The following VWA2 variants were observed in gnomAD, a reference collection of about 807,000 sequenced individuals.
VWA2 encodes the protein von Willebrand factor A domain containing 2.
In VWA2, 73 loss-of-function variants were observed where a neutral mutation model predicts 70.4. The ratio of observed to expected loss-of-function variants is 1.04; its 90% CI spans 0.86 to 1.26. VWA2 has a LOEUF of 1.26. Among genes scored for constraint, VWA2 ranks in the 50% most tolerant of loss-of-function variants. The pLI, the probability that VWA2 is intolerant of heterozygous loss-of-function variation, is 0.00. For synonymous variants in VWA2, 407 were observed against 423.3 expected, an observed-to-expected ratio of 0.96 and a Z score of 0.47; for missense variants, 1,011 against 998.5, an observed-to-expected ratio of 1.01 and a Z score of -0.17.
intron 6 of VWA2, among the ~76,000 whole-genome samples, chr10:114,273,500 T>C (rs1258090317): frequency 6.6e-6 from 1 of 152,168 alleles, no homozygotes; most frequent in African/African-American, 2.4e-5. Context: ...GGAGTCTGAC[T>C]GGCCACTCCC....
chr10:114,292,512 G>C lies in VWA2; in HGVS notation c.*1275G>C, dbSNP rs2039695523. Among the ~76,000 whole-genome samples the C allele has an allele frequency of 6.6e-6, 1 of 150,798 alleles. No homozygotes were observed. The highest frequency in any genetic ancestry group is 2.4e-5 in the African/African-American group (1 of 40,916). On this transcript the variant is annotated 3_prime_UTR_variant, in exon 14 of 14. Transcript: ENST00000392982. Reference sequence around the variant, plus strand: ...TTAAAGAAATATTTCAAGAAATGTTGGTTATTTATTAAACAGGGATATTTG... The same window carrying C: ...TTAAAGAAATATTTCAAGAAATGTTCGTTATTTATTAAACAGGGATATTTG...
intron 8 of VWA2, among the ~76,000 whole-genome samples, chr10:114,282,243 A>C (rs138443123): frequency 1.5e-3 from 233 of 152,062 alleles, no homozygotes; most frequent in Non-Finnish European, 2.8e-3. Context: ...ACCTCAAGTG[A>C]TTTGCCTACC....
At position 114,257,299 on chromosome 10, in the gene VWA2, C is replaced by T. The variant is rs1275105355; in HGVS notation, c.261+2251C>T. ...GTTCCCCACCATCCTCTGCACAGGA[C>T]CCTGCTTTTAAAAGGGTTCCTTATC... On this transcript the variant is annotated intron_variant, in intron 4 of 13. Coordinates refer to ENST00000392982, the MANE Select transcript of VWA2 (RefSeq NM_001272046.2). 5.3e-5 allele frequency among the ~76,000 whole-genome samples: 8 copies of T among 152,294 alleles called. No homozygotes were observed. The South Asian group carries it at 1.0e-3, about 20-fold the overall frequency.
rs768708177 is a variant in VWA2, at chr10:114,290,322, C to G, written c.2205C>G (p.Arg735=). ...GSCVLQNGSY[R]CKCRDGWEGP... The stretch of plus-strand genomic sequence containing the variant: ...GCGTCCTGCAGAATGGGAGCTACCG[C>G]TGCAAGTGTCGGGATGGCTGGGAGG... The change falls in exon 13 of 14, where the codon CGC becomes CGG. Residue 735 remains arginine, a synonymous_variant. Transcript: ENST00000392982. The G allele has an allele frequency of 4.5e-6, 7 of 1,550,616 alleles. No individual in the cohort carries two copies. In the South Asian group the frequency reaches 5.9e-5, roughly 13 times the overall value.
In VWA2 at chr10:114,292,313, T is replaced by C. The variant is rs1382636831; in HGVS notation, c.*1076T>C. Among the ~76,000 whole-genome samples, 1 of 151,972 alleles carries C rather than the reference T, an allele frequency of 6.6e-6. No individual in the cohort carries two copies. The highest frequency in any genetic ancestry group is 1.5e-5 in the Non-Finnish European group (1 of 67,984). ...AAATGTACTTAGGAGGGGTTAATTGTGGCGTGTTTATGGAATTCTTTCCTT... is the reference window on the plus strand; with the variant it reads ...AAATGTACTTAGGAGGGGTTAATTGCGGCGTGTTTATGGAATTCTTTCCTT... On this transcript the variant is annotated 3_prime_UTR_variant, in exon 14 of 14. Transcript: ENST00000392982.
intron 5 of VWA2, among the ~76,000 whole-genome samples, chr10:114,266,433 C>A (rs1453045000): frequency 6.6e-6 from 1 of 152,104 alleles, no homozygotes; most frequent in Non-Finnish European, 1.5e-5. Flanking sequence ...CCTCGAGTGA[C>A]AGTGAAATGT....
rs780346513 is a variant in VWA2 at position 114,278,092 on chromosome 10, C to T, written c.700+45C>T. On this transcript the variant is annotated intron_variant, in intron 7 of 13. Coordinates refer to ENST00000392982, the MANE Select transcript of VWA2 (RefSeq NM_001272046.2). ...AGGGAGTGGAAGTGCCATGTGGGGT[C>T]GGGGAGGGCTCCCTGAGGCAAGAGG... 332 of 1,583,064 alleles carry T rather than the reference C, an allele frequency of 2.1e-4. 1 individual carries two copies. Among genetic ancestry groups the T allele is most frequent in the Non-Finnish European group, 2.7e-4 (312 of 1,158,258 alleles).
intron 5 of VWA2, among the ~76,000 whole-genome samples, chr10:114,264,117 A>G (rs1197292873): frequency 1.3e-5 from 2 of 152,254 alleles, no homozygotes; most frequent in Non-Finnish European, 2.9e-5. Flanking sequence ...AATGTTAAAC[A>G]TAGATTTAGC....
intron 4 of VWA2, among the ~76,000 whole-genome samples, chr10:114,257,711 A>G (rs1379547876): frequency 6.6e-6 from 1 of 152,218 alleles, no homozygotes; most frequent in African/African-American, 2.4e-5. Flanking sequence ...GAGTGGTGTA[A>G]GAAAACCGTG....
intron 9 of VWA2, among the ~76,000 whole-genome samples, chr10:114,283,692 G>C (rs2038491689): frequency 6.6e-6 from 1 of 152,218 alleles, no homozygotes; most frequent in East Asian, 1.9e-4. Flanking sequence ...CTAAGGTTGT[G>C]ACAATGAAAT....
chr10:114,246,409 G>A, intron 1 of VWA2: 1 of 597,406 alleles, frequency 1.7e-6, no homozygotes, highest in South Asian at 2.1e-5. Context: ...GCTGAGACAG[G>A]AGAATCGCTT....
intron 5 of VWA2, among the ~76,000 whole-genome samples, chr10:114,261,660 T>C (rs1019678452): frequency 6.6e-6 from 1 of 152,166 alleles, no homozygotes; most frequent in African/African-American, 2.4e-5. Flanking sequence ...CTTGGACAGT[T>C]CACCACACTT....
In VWA2 at chr10:114,291,628, C is replaced by T. The variant is rs1201878005; in HGVS notation, c.*391C>T. The T allele has an allele frequency of 2.1e-5, 4 of 195,028 alleles. No individual in the cohort carries two copies. Among genetic ancestry groups the T allele is most frequent in the Non-Finnish European group, 4.2e-5 (4 of 94,416 alleles). The allele number at this position is 195,028 out of a possible 1,614,324, so 12.1% of individuals were successfully genotyped here. ...CGTTCCTTTGCACACAATCAATGCT[C>T]GCCAGAATGTTGTTGACACAGTAAT... On this transcript the variant is annotated 3_prime_UTR_variant, in exon 14 of 14. Coordinates refer to ENST00000392982, the MANE Select transcript of VWA2 (RefSeq NM_001272046.2).
intron 1 of VWA2, among the ~76,000 whole-genome samples, chr10:114,246,954 C>T (rs1227301321): frequency 6.6e-6 from 1 of 152,138 alleles, no homozygotes; most frequent in Non-Finnish European, 1.5e-5. Flanking sequence ...TATACTGGTT[C>T]GTAATCTGGA....
At chr10:114,285,053 G>A in intron 10 of VWA2, 83 bp downstream of exon 10, 1 of 1,159,734 alleles carries the variant, frequency 8.6e-7, no homozygotes, top group East Asian at 2.9e-5. Context: ...CGCCCTTCCA[G>A]CTGCTGGGTA....
intron 4 of VWA2, among the ~76,000 whole-genome samples, chr10:114,257,464 G>T (rs533292761): frequency 9.3e-4 from 142 of 152,252 alleles, no homozygotes; most frequent in African/African-American, 3.2e-3. Flanking sequence ...GGGAATGAAG[G>T]GTCCTATGGA....
At chr10:114,270,651 CTT>C (rs1402514211) in intron 5 of VWA2, among the ~76,000 whole-genome samples, 2 of 152,148 alleles carry the variant, frequency 1.3e-5, no homozygotes, top group African/African-American at 2.4e-5. Flanking sequence ...GAGGAACACT[CTT>C]TTTAAACACA....
At chr10:114,240,904 A>T (rs1405560521) in intron 1 of VWA2, among the ~76,000 whole-genome samples, 1 of 152,206 alleles carries the variant, frequency 6.6e-6, no homozygotes. Flanking sequence ...TTTCCTCATC[A>T]TCTCTGGCTG....
chr10:114,246,569 G>A, intron 1 of VWA2: 1 of 1,193,202 alleles, frequency 8.4e-7, no homozygotes, highest in Admixed American at 1.7e-5. Context: ...TGTAACAGAG[G>A]GACCCAGGAC....
Sources: allele counts gnomAD v4.1 joint callset (sites outside exome capture counted in the v4.1 genomes callset), GRCh38; gene constraint gnomAD v4.1.1; transcripts MANE v1.5; gene names NCBI Gene and HGNC (gene_info 2026-07-23, HGNC 2026-07-21).